Variants in ERC1 observed in about 807,000 individuals in gnomAD.
ERC1 encodes ELKS/RAB6-interacting/CAST family member 1, also known as RAB6 interacting protein 2.
ERC1 carries 56 observed loss-of-function variants against 132.0 expected under a neutral mutation model. The ratio of observed to expected loss-of-function variants is 0.42; its 90% confidence interval spans 0.34 to 0.53. The LOEUF (loss-of-function observed/expected upper bound fraction) is 0.53. Ranked by LOEUF, ERC1 falls within the 20% of genes least tolerant of loss-of-function variation. The probability of loss-of-function intolerance (pLI) is 0.03; values close to 1 mark genes in which losing one functional copy is unlikely to be tolerated. For missense variants in ERC1, 1,202 were observed against 1,349.9 expected, an observed-to-expected ratio of 0.89 and a Z score of 1.72; for synonymous variants, 478 against 476.1, an observed-to-expected ratio of 1.00 and a Z score of -0.05.
At chr12:1,383,668 A>G (rs1290647838) in intron 16 of ERC1, among the ~76,000 whole-genome samples, 1 of 152,186 alleles carries the variant, frequency 6.6e-6, no homozygotes, top group Admixed American at 6.5e-5. Flanking sequence ...GAATTAAATG[A>G]TATTTGCATT....
intron 12 of ERC1, among the ~76,000 whole-genome samples, chr12:1,215,326 A>G (rs1296671175): frequency 6.6e-6 from 1 of 152,184 alleles, no homozygotes; most frequent in Non-Finnish European, 1.5e-5. Context: ...AAGTAATTTG[A>G]CAAAATTTCT....
intron 15 of ERC1, among the ~76,000 whole-genome samples, chr12:1,370,825 A>G (rs948461717): frequency 6.6e-6 from 1 of 152,054 alleles, no homozygotes; most frequent in African/African-American, 2.4e-5. Context: ...GGCTCAAGAG[A>G]TCCTCCTACC....
chr12:1,376,023 A>C (rs1334033860), intron 16 of ERC1, among the ~76,000 whole-genome samples: 1 of 152,098 alleles, frequency 6.6e-6, no homozygotes, highest in African/African-American at 2.4e-5. Context: ...GGCGTGAGCC[A>C]CCGTGCCCGG....
At chr12:1,398,725 G>A (rs766808164) in intron 16 of ERC1, among the ~76,000 whole-genome samples, 2 of 152,072 alleles carry the variant, frequency 1.3e-5, no homozygotes, top group South Asian at 2.1e-4. Flanking sequence ...TCTGGAACTG[G>A]GAAGTCTAAG....
intron 16 of ERC1, among the ~76,000 whole-genome samples, chr12:1,378,593 A>G (rs1404796560): frequency 6.6e-6 from 1 of 152,260 alleles, no homozygotes; most frequent in Admixed American, 6.5e-5. Flanking sequence ...ATGGAGAATC[A>G]ACCTTTAAAG....
intron 12 of ERC1, among the ~76,000 whole-genome samples, chr12:1,217,354 G>A (rs1006791209): frequency 6.6e-6 from 1 of 152,128 alleles, no homozygotes; most frequent in East Asian, 1.9e-4. Flanking sequence ...AGCAGTACTA[G>A]ATTCTTATCT....
chr12:1,264,491 C>T lies in ERC1; in HGVS notation c.2619+1326C>T, dbSNP rs200662939. ...CATCCTGGCTAACACGGTGAAACCC[C>T]GTCTCTACTAAAAATACAAAAAATT... On this transcript the variant is annotated intron_variant, in intron 14 of 18. Transcript: ENST00000360905. 5.3e-5 allele frequency among the ~76,000 whole-genome samples: 8 copies of T among 152,058 alleles called. No homozygotes were observed. The East Asian group carries it at 5.8e-4, about 11-fold the overall frequency.
chr12:1,374,564 G>T (rs1278485272), intron 16 of ERC1, among the ~76,000 whole-genome samples: 1 of 152,212 alleles, frequency 6.6e-6, no homozygotes, highest in Admixed American at 6.5e-5. Flanking sequence ...AAGTCATGAA[G>T]AAGCCCCACT....
chr12:1,491,032 G>A lies in ERC1; in HGVS notation c.*802G>A. 8.6e-6 allele frequency: 2 copies of A among 232,876 alleles called. No homozygotes were observed. Among genetic ancestry groups the A allele is most frequent in the East Asian group, 6.0e-5 (1 of 16,540 alleles). 14.4% of individuals were successfully genotyped at this position (232,876 alleles called of 1,614,324 possible). On this transcript the variant is annotated 3_prime_UTR_variant, in exon 19 of 19. Transcript: ENST00000360905. ...ATATCTCTAATTGAAGAACATGTGA[G>A]GTTGAAAGAGCACCAGCCAGGGCAA...
chr12:1,214,697 C>T (rs1013005587), intron 12 of ERC1, among the ~76,000 whole-genome samples: 1 of 132,406 alleles, frequency 7.6e-6, no homozygotes, highest in Non-Finnish European at 1.6e-5. Flanking sequence ...CACACACACA[C>T]ACACATATGT....
intron 1 of ERC1, among the ~76,000 whole-genome samples, chr12:1,022,966 C>T (rs1966600111): frequency 6.6e-6 from 1 of 152,168 alleles, no homozygotes; most frequent in South Asian, 2.1e-4. Flanking sequence ...CTTGGCACTT[C>T]TTCCTGCCGC....
At chr12:1,402,541 GAAAAA>G (rs1566780121) in intron 16 of ERC1, among the ~76,000 whole-genome samples, 1 of 148,200 alleles carries the variant, frequency 6.7e-6, no homozygotes, top group African/African-American at 2.5e-5. Flanking sequence ...GAAAGAGAAA[GAAAAA>G]AAGAAAGAAC....
In ERC1 at chr12:1,455,015, C is replaced by T. The variant is rs913921889; in HGVS notation, c.3213+10265C>T. Among the ~76,000 whole-genome samples the T allele has an allele frequency of 6.6e-5, 10 of 152,120 alleles. 1 individual carries two copies. The highest frequency in any genetic ancestry group is 2.4e-4 in the African/African-American group (10 of 41,422). On this transcript the variant is annotated intron_variant, in intron 18 of 18. Transcript: ENST00000360905. The stretch of plus-strand genomic sequence containing the variant: ...TAAAGGAAATAGATTGAGGTAATGT[C>T]AAGGTGGAACACAATTATGGTACGA...
chr12:1,354,342 G>A (rs989763481), intron 15 of ERC1, among the ~76,000 whole-genome samples: 84 of 152,064 alleles, frequency 5.5e-4, no homozygotes, highest in African/African-American at 1.9e-3. Context: ...TAGCCGACAC[G>A]GTGAAACCCC....
At chr12:1,444,918 TG>T (rs2093262383) in intron 18 of ERC1, 168 bp downstream of exon 18, 2 of 411,428 alleles carry the variant, frequency 4.9e-6, no homozygotes, top group South Asian at 7.8e-5. Flanking sequence ...GGAGCTACCT[TG>T]GGGAATTCCA....
intron 18 of ERC1, among the ~76,000 whole-genome samples, chr12:1,485,202 T>C (rs2094186811): frequency 1.6e-5 from 1 of 60,966 alleles, no homozygotes. Context: ...TTTATATTTC[T>C]TTTTTTTTTT....
At chr12:1,045,663 C>T (rs909028532) in intron 2 of ERC1, among the ~76,000 whole-genome samples, 6 of 152,010 alleles carry the variant, frequency 3.9e-5, no homozygotes, top group Non-Finnish European at 8.8e-5. Flanking sequence ...GATATTGGTC[C>T]GTCTGGCTAC....
chr12:1,189,810 C>A, intron 11 of ERC1, 49 bp from the exon 12 acceptor site: 2 of 1,438,624 alleles, frequency 1.4e-6, no homozygotes, highest in Non-Finnish European at 1.9e-6. Flanking sequence ...ATGGTTTGCC[C>A]ATTGCCACCT....
At chr12:1,058,100 CAT>C (rs1469773773) in intron 2 of ERC1, among the ~76,000 whole-genome samples, 2 of 151,992 alleles carry the variant, frequency 1.3e-5, no homozygotes, top group Non-Finnish European at 2.9e-5. Context: ...TTCTCGGATG[CAT>C]AGTTTGCAGA....
Sources: gnomAD v4.1 joint callset for allele counts (sites outside exome capture counted in the v4.1 genomes callset) on GRCh38, gnomAD v4.1.1 for gene constraint, MANE v1.5 for transcripts, NCBI Gene and HGNC (gene_info 2026-07-23, HGNC 2026-07-21) for gene names.